The following KIAA1217 variants were observed in gnomAD, a reference collection of about 807,000 sequenced individuals.
The protein encoded by KIAA1217 is KIAA1217.
Under a neutral mutation model 163.9 loss-of-function variants are expected in KIAA1217, and 88 were observed. The ratio of observed to expected loss-of-function variants is 0.54; its 90% confidence interval spans 0.45 to 0.64. KIAA1217 has a LOEUF of 0.64. Among genes scored for constraint, KIAA1217 ranks in the 30% least tolerant of loss-of-function variants. KIAA1217 has a pLI of 0.00. For missense variants in KIAA1217, 2,372 were observed against 2,475.0 expected (o/e 0.96, Z 0.88); for synonymous variants, 903 against 923.1 (o/e 0.98, Z 0.39).
intron 2 of KIAA1217, among the ~76,000 whole-genome samples, chr10:24,159,415 A>T (rs577159629): frequency 1.3e-5 from 2 of 152,184 alleles, no homozygotes; most frequent in Non-Finnish European, 2.9e-5. Context: ...AACACATAGG[A>T]TCCAGCAATT....
chr10:24,478,663 C>G (rs2064305248), intron 6 of KIAA1217, among the ~76,000 whole-genome samples: 1 of 152,166 alleles, frequency 6.6e-6, no homozygotes, highest in Non-Finnish European at 1.5e-5. Context: ...GGAGAGACTG[C>G]CCAAGGAGAC....
At chr10:23,810,224 GTCTA>G (rs1288453507) in intron 1 of KIAA1217, among the ~76,000 whole-genome samples, 5 of 150,716 alleles carry the variant, frequency 3.3e-5, no homozygotes, top group Admixed American at 2.7e-4. Flanking sequence ...CTATCTGTCT[GTCTA>G]TCTACCTACC....
chr10:24,333,168 A>G (rs530257418), intron 2 of KIAA1217, among the ~76,000 whole-genome samples: 72 of 151,764 alleles, frequency 4.7e-4, no homozygotes, highest in African/African-American at 1.7e-3. Context: ...GGGATTACAA[A>G]CGCCCACCAC....
chr10:24,359,623 G>A (rs527603234), intron 2 of KIAA1217, among the ~76,000 whole-genome samples: 1 of 152,272 alleles, frequency 6.6e-6, no homozygotes, highest in Admixed American at 6.5e-5. Flanking sequence ...CTTACGCCCA[G>A]TTCTTTCTCT....
At chr10:24,473,062 T>A (rs959511034) in intron 5 of KIAA1217, among the ~76,000 whole-genome samples, 166 bp from the exon 6 acceptor site, 2 of 152,210 alleles carry the variant, frequency 1.3e-5, no homozygotes, top group Non-Finnish European at 2.9e-5. Context: ...CATCCTCAAC[T>A]TCACCCCATC....
At chr10:23,926,221 G>T (rs1389449494) in intron 1 of KIAA1217, among the ~76,000 whole-genome samples, 3 of 152,232 alleles carry the variant, frequency 2.0e-5, no homozygotes. Context: ...TGGGTGGAGG[G>T]GGCTGGGAAA....
At chr10:24,243,821 T>C (rs2073422110) in intron 2 of KIAA1217, among the ~76,000 whole-genome samples, 1 of 152,142 alleles carries the variant, frequency 6.6e-6, no homozygotes, top group African/African-American at 2.4e-5. Flanking sequence ...AGTTTGTGTA[T>C]GTATATATAC....
chr10:23,839,385 T>C (rs1838658839), intron 1 of KIAA1217, among the ~76,000 whole-genome samples: 1 of 151,996 alleles, frequency 6.6e-6, no homozygotes, highest in African/African-American at 2.4e-5. Context: ...TTCTACTGGA[T>C]TCATTTTTTT....
intron 2 of KIAA1217, among the ~76,000 whole-genome samples, chr10:24,041,873 G>A (rs1470949842): frequency 6.6e-6 from 1 of 152,114 alleles, no homozygotes. Context: ...CTGAGTGGGT[G>A]GGATAATATT....
At chr10:24,431,884 C>G (rs991045048) in intron 3 of KIAA1217, among the ~76,000 whole-genome samples, 8 of 152,116 alleles carry the variant, frequency 5.3e-5, no homozygotes, top group African/African-American at 1.9e-4. Context: ...ATTTCTGAAA[C>G]ATTGAGGTGC....
At chr10:23,777,895 C>A (rs1276863637) in intron 1 of KIAA1217, among the ~76,000 whole-genome samples, 1 of 152,168 alleles carries the variant, frequency 6.6e-6, no homozygotes, top group African/African-American at 2.4e-5. Flanking sequence ...CTGTTTACCT[C>A]TTTAAGAAGT....
intron 8 of KIAA1217, among the ~76,000 whole-genome samples, chr10:24,500,859 G>A (rs2067484022): frequency 6.6e-6 from 1 of 152,172 alleles, no homozygotes; most frequent in African/African-American, 2.4e-5. Context: ...GAGGCAGGAG[G>A]ATAGCTTGAG....
chr10:24,319,349 C>G (rs1345057812), intron 2 of KIAA1217, among the ~76,000 whole-genome samples: 1 of 125,762 alleles, frequency 8.0e-6, no homozygotes, highest in Non-Finnish European at 1.6e-5. Context: ...ACACTCCAGC[C>G]TGGGTGACAG....
intron 1 of KIAA1217, among the ~76,000 whole-genome samples, chr10:23,991,539 A>C (rs1464157018): frequency 1.3e-5 from 2 of 152,166 alleles, no homozygotes; most frequent in African/African-American, 2.4e-5. Context: ...AAAAGGGAGT[A>C]ATCTCTATAC....
Position 23,934,766 on chromosome 10 carries a change from C to T in KIAA1217, c.-320-72459C>T, listed in dbSNP as rs531110841. Reference sequence around the variant, plus strand: ...CTGAGTAGCTGGGACTACAGGCACCCGCCACCACACCCGGCTAATTTTTTG... The same window carrying T: ...CTGAGTAGCTGGGACTACAGGCACCTGCCACCACACCCGGCTAATTTTTTG... On this transcript the variant is annotated intron_variant, in intron 1 of 18. Coordinates refer to the KIAA1217 transcript ENST00000376462. Among the ~76,000 whole-genome samples the T allele has an allele frequency of 3.7e-4, 56 of 150,048 alleles. No homozygotes were observed. The Middle Eastern group carries it at 0.01, about 28-fold the overall frequency.
At chr10:24,494,970 G>C in intron 7 of KIAA1217, 177 bp from the exon 8 acceptor site, 2 of 605,964 alleles carry the variant, frequency 3.3e-6, no homozygotes, top group Non-Finnish European at 5.7e-6. Context: ...CCAGTGTCAG[G>C]TGCACACCTG....
intron 1 of KIAA1217, among the ~76,000 whole-genome samples, chr10:23,837,763 A>G (rs1838555769): frequency 2.0e-5 from 3 of 151,000 alleles, no homozygotes; most frequent in Admixed American, 6.6e-5. Context: ...CTGATCTTGA[A>G]CTCCTGGGCT....
intron 2 of KIAA1217, among the ~76,000 whole-genome samples, chr10:24,014,647 G>A (rs59499721): frequency 0.013 from 1,982 of 152,252 alleles, 33 homozygotes; most frequent in African/African-American, 0.036. Flanking sequence ...CATCTAACTC[G>A]TGAGCTTCAG....
At chr10:24,526,966 C>G (rs1692998562) in intron 13 of KIAA1217, among the ~76,000 whole-genome samples, 2 of 152,124 alleles carry the variant, frequency 1.3e-5, no homozygotes, top group Non-Finnish European at 2.9e-5. Context: ...TTTGCCAATT[C>G]TTAGGTTATA....
Sources: gnomAD v4.1 joint callset for allele counts (sites outside exome capture counted in the v4.1 genomes callset) on GRCh38, gnomAD v4.1.1 for gene constraint, MANE v1.5 for transcripts, NCBI Gene and HGNC (gene_info 2026-07-23, HGNC 2026-07-21) for gene names.